The following TULP4 variants were observed in gnomAD, a reference collection of about 807,000 sequenced individuals.
TULP4 encodes the protein TUB like protein 4, also known as tubby-related protein 4.
In TULP4, 16 loss-of-function variants were observed where a neutral mutation model predicts 129.0. That is an observed-to-expected ratio of 0.12 (90% CI 0.08 to 0.19). The LOEUF (loss-of-function observed/expected upper bound fraction) is 0.19, where lower values mean the gene tolerates loss of function less well. Ranked by LOEUF, TULP4 falls within the 10% of genes least tolerant of loss-of-function variation. The pLI, the probability that TULP4 is intolerant of heterozygous loss-of-function variation, is 1.00. For missense variants in TULP4, 1,842 were observed against 2,059.1 expected, an observed-to-expected ratio of 0.89 and a Z score of 2.04; for synonymous variants, 998 against 854.0, an observed-to-expected ratio of 1.17 and a Z score of -2.94.
At chr6:158,444,114 G>A (rs887345796) in intron 3 of TULP4, among the ~76,000 whole-genome samples, 1 of 151,510 alleles carries the variant, frequency 6.6e-6, no homozygotes, top group African/African-American at 2.4e-5. Context: ...CAGCTACTCG[G>A]GAGGCTGAGG....
At chr6:158,332,428 A>G (rs192223644) in intron 1 of TULP4, among the ~76,000 whole-genome samples, 122 of 151,946 alleles carry the variant, frequency 8.0e-4, no homozygotes, top group African/African-American at 2.8e-3. Context: ...GCAATCAGTA[A>G]ATAACCCTCT....
chr6:158,487,355 G>A (rs199621957), intron 8 of TULP4, among the ~76,000 whole-genome samples: 23 of 152,034 alleles, frequency 1.5e-4, no homozygotes, highest in African/African-American at 4.3e-4. Context: ...CAGGAGAATC[G>A]CTTGAATCCA....
chr6:158,387,458 A>T (rs767921529), intron 1 of TULP4, among the ~76,000 whole-genome samples: 6 of 152,254 alleles, frequency 3.9e-5, no homozygotes, highest in Non-Finnish European at 8.8e-5. Flanking sequence ...TCATTTTAAA[A>T]TAATGCATAA....
rs575375404 is a variant in TULP4 at position 158,319,626 on chromosome 6, T to A, written c.252+5358T>A. ...AAATCTGAATGAAAGATAATTTATT[T>A]CACCCTCAGCTAGTATGTAAAATCT... On this transcript the variant is annotated intron_variant, in intron 1 of 13. Transcript: ENST00000367097. 2.6e-5 allele frequency among the ~76,000 whole-genome samples: 4 copies of A among 152,354 alleles called. No homozygotes were observed. In the South Asian group the frequency reaches 8.3e-4, roughly 32 times the overall value.
chr6:158,243,307 AT>A (rs1777961080), intron 1 of TULP4, among the ~76,000 whole-genome samples: 1 of 152,180 alleles, frequency 6.6e-6, no homozygotes, highest in Admixed American at 6.5e-5. Flanking sequence ...CCTTAAAATA[AT>A]TACAATACTA....
At chr6:158,382,029 A>T (rs1221066624) in intron 1 of TULP4, among the ~76,000 whole-genome samples, 1 of 152,214 alleles carries the variant, frequency 6.6e-6, no homozygotes, top group Non-Finnish European at 1.5e-5. Context: ...CATAATAAAC[A>T]TTCATGTTGA....
intron 1 of TULP4, among the ~76,000 whole-genome samples, chr6:158,393,766 T>C (rs2114956857): frequency 6.6e-6 from 1 of 152,340 alleles, no homozygotes; most frequent in East Asian, 1.9e-4. Flanking sequence ...ATTCATTTTT[T>C]CTTCCTAGGC....
chr6:158,331,757 G>GTATATATATATA (rs1171180222), intron 1 of TULP4, among the ~76,000 whole-genome samples: 8 of 16,406 alleles, frequency 4.9e-4, no homozygotes, highest in Non-Finnish European at 1.1e-3. Flanking sequence ...GTATATACAC[G>GTATATATATATA]TGTATATATA....
intron 1 of TULP4, among the ~76,000 whole-genome samples, chr6:158,236,904 C>G (rs1338256223): frequency 7.0e-6 from 1 of 143,556 alleles, no homozygotes; most frequent in African/African-American, 2.6e-5. Flanking sequence ...ACCTCCGCCT[C>G]CCAGTTTCAA....
rs987685405 is a variant in TULP4, at chr6:158,314,465, A to G, written c.252+197A>G. 4.6e-5 allele frequency among the ~76,000 whole-genome samples: 7 copies of G among 152,300 alleles called. No individual in the cohort carries two copies. In the South Asian group the frequency reaches 1.0e-3, roughly 23 times the overall value. On this transcript the variant is annotated intron_variant, in intron 1 of 13. Transcript: ENST00000367097. The stretch of plus-strand genomic sequence containing the variant: ...AGTTCACAGTAGGCTGCGCCTCCCC[A>G]GGTGGGTCAGTTGTCCCTGGCACCC...
chr6:158,392,061 CAG>C, intron 1 of TULP4, among the ~76,000 whole-genome samples: 1 of 152,168 alleles, frequency 6.6e-6, no homozygotes. Flanking sequence ...CTAGACTGGG[CAG>C]TTTACAAAAG....
intron 6 of TULP4, among the ~76,000 whole-genome samples, chr6:158,479,176 A>G (rs916369279): frequency 3.3e-5 from 5 of 152,072 alleles, no homozygotes; most frequent in African/African-American, 1.2e-4. Context: ...CATCTGGTCT[A>G]CCTCATCACC....
chr6:158,411,274 AAAGGTGAACATGCCTC>A (rs1366646971), intron 1 of TULP4, among the ~76,000 whole-genome samples: 1 of 152,222 alleles, frequency 6.6e-6, no homozygotes, highest in Non-Finnish European at 1.5e-5. Flanking sequence ...GTCAGTATTC[AAAGGTGAACATGCCTC>A]TGTCCTTTTC....
intron 2 of TULP4, among the ~76,000 whole-genome samples, chr6:158,418,383 C>T (rs1217607975): frequency 6.7e-6 from 1 of 149,764 alleles, no homozygotes; most frequent in East Asian, 1.9e-4. Context: ...GCTGGAATTG[C>T]AGGCATGAGC....
In TULP4 at chr6:158,503,987, C is replaced by G; in HGVS notation, c.4324C>G (p.Leu1442Val). 1 of 1,612,880 alleles carries G rather than the reference C, an allele frequency of 6.2e-7. No homozygotes were observed. The highest frequency in any genetic ancestry group is 8.5e-7 in the Non-Finnish European group (1 of 1,179,552). The change falls in exon 13 of 14, where the codon CTG (leucine) becomes GTG (valine). Residue 1442 changes from leucine (L) to valine (V), a missense_variant. This residue lies in a region of TULP4 where 1,089 missense variants were observed against 987.1 expected (regional missense o/e 1.10). Transcript: ENST00000367097. The surrounding 1 kb of genome is among the most constrained non-coding windows in gnomAD (Gnocchi z 4.3). ...GCGCTCCCCACGGGCCGCCGGCGAG[C>G]TGGAGGAGGCCAAGTGCCGGCGGGC... is the stretch of plus-strand genomic sequence containing the variant. The part of the protein sequence containing the change: ...SKRSPRAAGE[L>V]EEAKCRRASE...
intron 9 of TULP4, among the ~76,000 whole-genome samples, chr6:158,490,401 A>G (rs1301874480): frequency 6.6e-6 from 1 of 152,214 alleles, no homozygotes; most frequent in Admixed American, 6.5e-5. Flanking sequence ...TCAAATAAAT[A>G]AATAAATAAT....
chr6:158,257,669 G>T (rs1778274609), intron 1 of TULP4, among the ~76,000 whole-genome samples: 1 of 152,216 alleles, frequency 6.6e-6, no homozygotes, highest in South Asian at 2.1e-4. Flanking sequence ...GAATGGAGGT[G>T]CTGTGCCCAC....
At chr6:158,244,958 C>T (rs1777999470) in intron 1 of TULP4, among the ~76,000 whole-genome samples, 1 of 151,976 alleles carries the variant, frequency 6.6e-6, no homozygotes, top group Non-Finnish European at 1.5e-5. Context: ...CAGCATTTTT[C>T]AGTGATTATG....
chr6:158,440,265 C>T (rs1226144366), intron 3 of TULP4, among the ~76,000 whole-genome samples: 2 of 146,716 alleles, frequency 1.4e-5, no homozygotes, highest in Non-Finnish European at 3.0e-5. Flanking sequence ...CCACAGTGAG[C>T]CATGATTGTG....
Sources: gnomAD v4.1 joint callset for allele counts (sites outside exome capture counted in the v4.1 genomes callset) on GRCh38, gnomAD v4.1.1 for gene constraint, gnomAD v4.1.1 regional missense constraint, Gnocchi (gnomAD v3.1) non-coding constraint, MANE v1.5 for transcripts, NCBI Gene and HGNC (gene_info 2026-07-23, HGNC 2026-07-21) for gene names.